The following LRRC24 variants were observed in gnomAD, a reference collection of about 807,000 sequenced individuals.
The protein encoded by LRRC24 is leucine-rich repeat-containing protein 24.
LRRC24 carries 19 observed loss-of-function variants against 15.3 expected under a neutral mutation model. The observed-to-expected ratio is 1.25, with a 90% CI of 0.87 to 1.83. LRRC24 has a LOEUF of 1.83. Among genes scored for constraint, LRRC24 ranks in the 40% most tolerant of loss-of-function variants. The pLI is 0.00. For missense variants in LRRC24, 914 were observed against 723.9 expected, an observed-to-expected ratio of 1.26 and a Z score of -3.01; for synonymous variants, 469 against 359.6, an observed-to-expected ratio of 1.30 and a Z score of -3.44.
Position 144,523,078 on chromosome 8 carries a change from C to T in LRRC24, c.939G>A (p.Gly313=), listed in dbSNP as rs765594650. ...RPRAQAQLEG[G]LLGLGGHSAS... is the part of the protein sequence containing the mutation. The stretch of plus-strand genomic sequence containing the variant: ...CCGAGTGTCCGCCCAGGCCCAGCAA[C>T]CCGCCTTCTAGCTGGGCCTGGGCTC... The change falls in exon 5 of 5, where the codon GGG becomes GGA. Residue 313 remains glycine, a synonymous_variant. Transcript: ENST00000529415. The T allele has an allele frequency of 2.7e-5, 44 of 1,608,010 alleles. 1 individual carries two copies. The South Asian group carries it at 3.6e-4, about 13-fold the overall frequency.
At position 144,522,635 on chromosome 8, in the gene LRRC24, T is replaced by A; in HGVS notation, c.1382A>T (p.Glu461Val). ...DGPCTFAQLEELRDERGHEMF... is the reference protein window; with the variant it reads ...DGPCTFAQLEVLRDERGHEMF... The stretch of plus-strand genomic sequence containing the variant: ...CTCGTGGCCGCGCTCGTCGCGGAGC[T>A]CCTCTAGCTGTGCGAACGTACAGGG... The change falls in exon 5 of 5, where the codon GAG becomes GTG. Residue 461 changes from glutamate to valine, a missense_variant. Transcript: ENST00000529415. 6.3e-7 allele frequency: 1 copy of A among 1,578,168 alleles called. No homozygotes were observed. The highest frequency in any genetic ancestry group is 2.4e-5 in the East Asian group (1 of 41,002).
chr8:144,523,443 G>C, intron 4 of LRRC24, 34 bp from the exon 5 acceptor site: 4 of 1,506,292 alleles, frequency 2.7e-6, no homozygotes, highest in Non-Finnish European at 2.7e-6. Context: ...GGTGGCTTGA[G>C]GGTGCTGCTA....
At chr8:144,524,359 G>A (rs1816266033) in intron 3 of LRRC24, 81 bp from the exon 4 acceptor site, 3 of 1,594,996 alleles carry the variant, frequency 1.9e-6, no homozygotes, top group East Asian at 2.2e-5. Context: ...GCTAGACTGG[G>A]TTGCCTTTTC....
rs764259356 is a variant in LRRC24, at chr8:144,522,543, C to T, written c.1474G>A (p.Gly492Ser). ...CCCGGCCCCGCCCCCTGTTCCGGGC[C>T]GCAGTCAGCGGGCGCCTCCGCCGGA... is the stretch of plus-strand genomic sequence containing the variant. Reference protein sequence around the residue: ...EGPAEAPADCGPEQGAGPGLR... With the variant: ...EGPAEAPADCSPEQGAGPGLR... The change falls in exon 5 of 5, where the codon GGC becomes AGC. Residue 492 changes from glycine (G) to serine (S), a missense_variant. Transcript: ENST00000529415. The T allele has an allele frequency of 2.6e-6, 4 of 1,528,542 alleles. No homozygotes were observed. The highest frequency in any genetic ancestry group is 2.1e-5 in the Admixed American group (1 of 48,320). The allele number at this position is 1,528,542 out of a possible 1,614,324, so 94.7% of individuals were successfully genotyped here. A position where few individuals can be genotyped will look rare whatever the true frequency, so the allele number is the denominator to read the frequency against.
At chr8:144,523,972 C>G (rs1027210297) in intron 4 of LRRC24, 138 bp downstream of exon 4, 7 of 1,007,754 alleles carry the variant, frequency 6.9e-6, no homozygotes, top group African/African-American at 6.4e-5. Flanking sequence ...CCGCAGCCCT[C>G]CAGTGTGGCT....
Position 144,522,978 on chromosome 8 carries a change from C to A in LRRC24, c.1039G>T (p.Ala347Ser), listed in dbSNP as rs1816184022. Residue 347 changes from alanine (A) to serine (S), a missense_variant, in exon 5 of 5, where the codon GCC (alanine) becomes TCC (serine). Coordinates refer to ENST00000529415, the MANE Select transcript of LRRC24 (RefSeq NM_001024678.4). ...CGGGCAGCGCCGCCGGCGTTGGAGG[C>A]CTCGCACTCGTACTTACCGGCGTGC... ...LAHAGKYECEASNAGGAARVP... is the reference protein window; with the variant it reads ...LAHAGKYECESSNAGGAARVP... 1.3e-6 allele frequency: 2 copies of A among 1,591,430 alleles called. No homozygotes were observed. Among genetic ancestry groups the A allele is most frequent in the African/African-American group, 2.7e-5 (2 of 74,202 alleles).
At chr8:144,525,625 G>C (rs1348728281) in intron 1 of LRRC24, 1 of 152,258 alleles carries the variant, frequency 6.6e-6, no homozygotes, top group Non-Finnish European at 1.5e-5. Context: ...TGCTGGCCTA[G>C]GGGTGGGACC....
At chr8:144,525,273 C>T (rs1816321823) in intron 1 of LRRC24, 1 of 264,130 alleles carries the variant, frequency 3.8e-6, no homozygotes, top group Admixed American at 5.4e-5. Flanking sequence ...GAGAGCCACC[C>T]AACCCTGTCA....
Position 144,524,810 on chromosome 8 carries a change from G to A in LRRC24, c.159+6C>T. 1 of 1,460,660 alleles carries A rather than the reference G, an allele frequency of 6.8e-7. No homozygotes were observed. Among genetic ancestry groups the A allele is most frequent in the South Asian group, 1.3e-5 (1 of 75,000 alleles). The allele number at this position is 1,460,660 out of a possible 1,614,324, so 90.5% of individuals were successfully genotyped here. On this transcript the variant is annotated splice_donor_region_variant and intron_variant, in intron 2 of 4. Transcript: ENST00000529415. Reference sequence around the variant, plus strand: ...CCGTCCTCCCGCAGCTCCACACGGTGCCCACCTGCGTCCCTGGCGGGATTC... The same window carrying A: ...CCGTCCTCCCGCAGCTCCACACGGTACCCACCTGCGTCCCTGGCGGGATTC...
chr8:144,523,326 C>G lies in LRRC24; in HGVS notation c.691G>C (p.Asp231His), dbSNP rs769042393. Residue 231 changes from aspartate to histidine, a missense_variant, in exon 5 of 5, where the codon GAC becomes CAC. By Grantham distance (81) the Asp-to-His change is moderately conservative (BLOSUM62 -1). Coordinates refer to ENST00000529415, the MANE Select transcript of LRRC24 (RefSeq NM_001024678.4). ...EGGQRLLTSR[D>H]RKIMCAEPPR... Reference sequence around the variant, plus strand: ...GGCTCTGCACACATGATCTTCCTGTCCCTGGAGGTGAGCAGCCGCTGGCCG... The same window carrying G: ...GGCTCTGCACACATGATCTTCCTGTGCCTGGAGGTGAGCAGCCGCTGGCCG... The G allele has an allele frequency of 1.3e-6, 2 of 1,598,964 alleles. No homozygotes were observed. The highest frequency in any genetic ancestry group is 1.7e-5 in the Admixed American group (1 of 58,900).
Position 144,523,245 on chromosome 8 carries a change from T to A in LRRC24, c.772A>T (p.Ile258Phe). The change falls in exon 5 of 5, where the codon ATT becomes TTT. Residue 258 changes from isoleucine (I) to phenylalanine (F), a missense_variant. Coordinates refer to ENST00000529415, the MANE Select transcript of LRRC24 (RefSeq NM_001024678.4). ...LDVSHSSLIC[I>F]PPSVHVQPLE... ...GGCTGCACGTGGACAGAGGGCGGAA[T>A]GCAGATGAGGCTGCTGTGGGATACG... 1 of 1,610,638 alleles carries A rather than the reference T, an allele frequency of 6.2e-7. No individual in the cohort carries two copies. Among genetic ancestry groups the A allele is most frequent in the Non-Finnish European group, 8.5e-7 (1 of 1,179,050 alleles).
Position 144,524,278 on chromosome 8 carries a change from G to A in LRRC24, c.439C>T (p.Arg147Ter). The A allele has an allele frequency of 3.7e-6, 6 of 1,611,396 alleles. No individual in the cohort carries two copies. The highest frequency in any genetic ancestry group is 3.4e-6 in the Non-Finnish European group (4 of 1,179,920). Reference sequence around the variant, plus strand: ...TCTTGCAGGTGAAGCTCCTGCAGTCGCTGAAGTAAGGACAGCAGATCGTGA... The same window carrying A: ...TCTTGCAGGTGAAGCTCCTGCAGTCACTGAAGTAAGGACAGCAGATCGTGA... ...LLDFTFLHLP[R>*]LQELHLQENS... Residue 147 changes from arginine to a stop codon, truncating the protein, a stop_gained and splice_region_variant, in exon 4 of 5, where the codon CGA (arginine) becomes TGA (stop). Coordinates refer to ENST00000529415, the MANE Select transcript of LRRC24 (RefSeq NM_001024678.4). LOFTEE classifies it high-confidence loss of function.
In LRRC24 at chr8:144,522,540, G is replaced by C. The variant is rs1238626632; in HGVS notation, c.1477C>G (p.Pro493Ala). 3.9e-6 allele frequency: 6 copies of C among 1,526,734 alleles called. No individual in the cohort carries two copies. The highest frequency in any genetic ancestry group is 5.3e-6 in the Non-Finnish European group (6 of 1,138,858). The allele number at this position is 1,526,734 out of a possible 1,614,324, so 94.6% of individuals were successfully genotyped here. ...AGTCCCGGCCCCGCCCCCTGTTCCG[G>C]GCCGCAGTCAGCGGGCGCCTCCGCC... Reference protein sequence around the residue: ...GPAEAPADCGPEQGAGPGLRV... With the variant: ...GPAEAPADCGAEQGAGPGLRV... The change falls in exon 5 of 5, where the codon CCG becomes GCG. Residue 493 changes from proline (P) to alanine (A), a missense_variant. Transcript: ENST00000529415.
rs552413734 is a variant in LRRC24, at chr8:144,522,710, C to A, written c.1307G>T (p.Arg436Leu). 1.9e-6 allele frequency: 3 copies of A among 1,596,562 alleles called. No individual in the cohort carries two copies. Among genetic ancestry groups the A allele is most frequent in the East Asian group, 2.3e-5 (1 of 43,622 alleles). The change falls in exon 5 of 5, where the codon CGG (arginine) becomes CTG (leucine). Residue 436 changes from arginine to leucine, a missense_variant. Arg to Leu is a moderately radical substitution (Grantham distance 102). Coordinates refer to ENST00000529415, the MANE Select transcript of LRRC24 (RefSeq NM_001024678.4). ...CAGCGCTCCCTCCCCCGGAGGCCCC[C>A]GCGCCTTTTTTCGCCTGCGGCGCCG... Reference protein sequence around the residue: ...CRRRRRRKKARGPPGEGALFV... With the variant: ...CRRRRRRKKALGPPGEGALFV...
Position 144,522,506 on chromosome 8 carries a change from GGCACGCGGAGTCCCGGC to G in LRRC24, c.1494_1510del (p.Gly500AlafsTer16), listed in dbSNP as rs1564822997. On this transcript the variant is annotated frameshift_variant, in exon 5 of 5. Transcript: ENST00000529415. LOFTEE classifies it high-confidence loss of function. ...GTGGATCTCGTAGGCGACCGGCGGG[GGCACGCGGAGTCCCGGC>G]CCCGCCCCCTGTTCCGGGCCGCAGT... is the stretch of plus-strand genomic sequence containing the variant. 2 of 1,499,348 alleles carry G rather than the reference GGCACGCGGAGTCCCGGC, an allele frequency of 1.3e-6. No individual in the cohort carries two copies. 92.9% of individuals were successfully genotyped at this position (1,499,348 alleles called of 1,614,324 possible). A position where few individuals can be genotyped will look rare whatever the true frequency, so the allele number is the denominator to read the frequency against.
chr8:144,522,930 T>C lies in LRRC24; in HGVS notation c.1087A>G (p.Asn363Asp). ...AARVPFRLLVNASRQQPQQPA... is the reference protein window; with the variant it reads ...AARVPFRLLVDASRQQPQQPA... ...TGCTGCGGCTGCTGCCGGGACGCGTTGACCAGGAGCCGGAAGGGCACGCGG... is the reference window on the plus strand; with the variant it reads ...TGCTGCGGCTGCTGCCGGGACGCGTCGACCAGGAGCCGGAAGGGCACGCGG... The change falls in exon 5 of 5, where the codon AAC (asparagine) becomes GAC (aspartate). Residue 363 changes from asparagine (N) to aspartate (D), a missense_variant. Physicochemically the swap from Asn to Asp is conservative, Grantham distance 23. Transcript: ENST00000529415. 2.0e-6 allele frequency: 3 copies of C among 1,516,518 alleles called. No homozygotes were observed. The South Asian group carries it at 3.7e-5, about 19-fold the overall frequency. 93.9% of individuals were successfully genotyped at this position (1,516,518 alleles called of 1,614,324 possible). A position where few individuals can be genotyped will look rare whatever the true frequency, so the allele number is the denominator to read the frequency against.
chr8:144,525,110 C>T (rs1164249973), intron 1 of LRRC24, 77 bp from the exon 2 acceptor site: 2 of 1,002,114 alleles, frequency 2.0e-6, no homozygotes, highest in East Asian at 3.1e-5. Context: ...GCACCTGCGT[C>T]TAACTTTTGA....
rs1455325228 is a variant in LRRC24, at chr8:144,524,907, C to CT, written c.67_68insA (p.Cys23Ter). The CT allele has an allele frequency of 6.6e-7, 1 of 1,514,704 alleles. No individual in the cohort carries two copies. The highest frequency in any genetic ancestry group is 1.2e-5 in the South Asian group (1 of 82,752). 93.8% of individuals were successfully genotyped at this position (1,514,704 alleles called of 1,614,324 possible). A position where few individuals can be genotyped will look rare whatever the true frequency, so the allele number is the denominator to read the frequency against. Residue 23 changes from cysteine to a stop codon, truncating the protein, a stop_gained and frameshift_variant, in exon 2 of 5, where the codon TGC becomes TAGC. Transcript: ENST00000529415. LOFTEE classifies it high-confidence loss of function. ...GCTGTAGCAGCGGCAGGCTGCTGGGCAGCCGGCGGCGCGGAGCGGCAGTAG... is the reference window on the plus strand; with the variant it reads ...GCTGTAGCAGCGGCAGGCTGCTGGGCTAGCCGGCGGCGCGGAGCGGCAGTAG... ...LLLLPLRAAG[C>*]PAACRCYSAT...
intron 4 of LRRC24, chr8:144,523,617 T>C (rs1816223094): frequency 4.6e-6 from 3 of 655,548 alleles, no homozygotes; most frequent in African/African-American, 1.9e-5. Context: ...TTTAGCTCTG[T>C]GATGCCTGCC....
Sources: gnomAD v4.1 joint callset for allele counts on GRCh38, gnomAD v4.1.1 for gene constraint, MANE v1.5 for transcripts, NCBI Gene and HGNC (gene_info 2026-07-23, HGNC 2026-07-21) for gene names.